The following PTDSS2 variants were observed in gnomAD, a reference collection of about 807,000 sequenced individuals.
The protein encoded by PTDSS2 is phosphatidylserine synthase 2, also known as PSS-2.
PTDSS2 carries 41 observed loss-of-function variants against 64.7 expected under a neutral mutation model. That is an observed-to-expected ratio of 0.63 (90% confidence interval 0.49 to 0.82). The LOEUF (loss-of-function observed/expected upper bound fraction) is 0.82. Ranked by LOEUF, PTDSS2 falls within the 40% of genes least tolerant of loss-of-function variation. The probability of loss-of-function intolerance (pLI) is 0.00; values close to 1 mark genes in which losing one functional copy is unlikely to be tolerated. For missense variants in PTDSS2, 485 were observed against 650.0 expected (o/e 0.75, Z 2.76); for synonymous variants, 297 against 277.8 (o/e 1.07, Z -0.69).
In PTDSS2 at chr11:488,245, T is replaced by C. The variant is rs1051529488; in HGVS notation, c.668T>C (p.Met223Thr). The stretch of plus-strand genomic sequence containing the variant: ...TGGATGTGCATGATCATCAGCGTGA[T>C]GTTCGAGTTCCTGGAGTACAGCCTG... ...DWWMCMIISV[M>T]FEFLEYSLEH... Residue 223 changes from methionine (M) to threonine (T), a missense_variant, in exon 7 of 12, where the codon ATG becomes ACG. Around this residue, in one of 3 missense-constraint regions of PTDSS2, gnomAD observed 251 missense variants for 348.0 expected, o/e 0.72. Coordinates refer to ENST00000308020, the MANE Select transcript of PTDSS2 (RefSeq NM_030783.3). The C allele has an allele frequency of 4.3e-6, 7 of 1,613,588 alleles. No individual in the cohort carries two copies. The South Asian group carries it at 6.6e-5, about 15-fold the overall frequency.
At chr11:488,340 G>C (rs1848498617) in intron 7 of PTDSS2, 28 bp downstream of exon 7, 2 of 1,572,118 alleles carry the variant, frequency 1.3e-6, no homozygotes, top group Non-Finnish European at 1.7e-6. Context: ...CCCCGGGGCA[G>C]TCGGTGCAGG....
At position 452,731 on chromosome 11, in the gene PTDSS2, G is replaced by A. The variant is rs549240092; in HGVS notation, c.182+2094G>A. ...CCCTGTGCAGAGGAAGGAGCTTCAC[G>A]CTTCTGGGTGGCAGGTAACTCAATG... is the stretch of plus-strand genomic sequence containing the variant. On this transcript the variant is annotated intron_variant, in intron 1 of 11. Coordinates refer to ENST00000308020, the MANE Select transcript of PTDSS2 (RefSeq NM_030783.3). Among the ~76,000 whole-genome samples, 21 of 152,202 alleles carry A rather than the reference G, an allele frequency of 1.4e-4. 1 individual carries two copies. Among genetic ancestry groups the A allele is most frequent in the South Asian group, 8.3e-4 (4 of 4,822 alleles).
intron 1 of PTDSS2, chr11:459,951 C>T: frequency 1.9e-6 from 1 of 522,844 alleles, no homozygotes; most frequent in Non-Finnish European, 3.5e-6. Context: ...TTCCCAGGAA[C>T]ACGGGGCTCT....
In PTDSS2 at chr11:469,203, G is replaced by C. The variant is rs562013647; in HGVS notation, c.285-4692G>C. 1.3e-4 allele frequency among the ~76,000 whole-genome samples: 16 copies of C among 118,642 alleles called. 1 individual carries two copies. The highest frequency in any genetic ancestry group is 6.3e-4 in the Admixed American group (8 of 12,612). 77.8% of individuals were successfully genotyped at this position (118,642 alleles called of 152,430 possible). ...TGGGTAATCAGAGGGAGGAGGAGGG[G>C]AGTCTCTGGGTAATCGGAAGGAGGA... On this transcript the variant is annotated intron_variant, in intron 2 of 11. Coordinates refer to ENST00000308020, the MANE Select transcript of PTDSS2 (RefSeq NM_030783.3).
rs543870077 is a variant in PTDSS2, at chr11:460,491, C to T, written c.284+203C>T. 39 of 550,978 alleles carry T rather than the reference C, an allele frequency of 7.1e-5. No individual in the cohort carries two copies. The highest frequency in any genetic ancestry group is 7.0e-4 in the South Asian group (32 of 46,020). 34.1% of individuals were successfully genotyped at this position (550,978 alleles called of 1,614,324 possible). On this transcript the variant is annotated intron_variant, in intron 2 of 11. Transcript: ENST00000308020. The surrounding 1 kb of genome is among the most constrained non-coding windows in gnomAD (Gnocchi z 5.8). ...CTGCGTGGCGTTCCCGGTCAGCCCC[C>T]GTCGCCTGTCACTGGGAGCCAGGAG... is the stretch of plus-strand genomic sequence containing the variant.
chr11:490,191 C>T, intron 11 of PTDSS2, 123 bp downstream of exon 11: 1 of 1,234,170 alleles, frequency 8.1e-7, no homozygotes, highest in Non-Finnish European at 1.1e-6. Flanking sequence ...CTCTGGCCGC[C>T]TCTGCGGGAG....
intron 2 of PTDSS2, among the ~76,000 whole-genome samples, chr11:465,697 G>T (rs1847107993): frequency 6.6e-6 from 1 of 152,080 alleles, no homozygotes; most frequent in Non-Finnish European, 1.5e-5. Flanking sequence ...GGCCAATCTA[G>T]GAGGATTGCT....
intron 4 of PTDSS2, among the ~76,000 whole-genome samples, chr11:484,805 G>A (rs57781202): frequency 0.024 from 3,270 of 133,880 alleles, 125 homozygotes; most frequent in African/African-American, 0.082. Flanking sequence ...TAAACTGCAC[G>A]GGCGCGTGTG....
At chr11:452,510 G>T (rs1336999273) in intron 1 of PTDSS2, among the ~76,000 whole-genome samples, 1 of 152,236 alleles carries the variant, frequency 6.6e-6, no homozygotes, top group African/African-American at 2.4e-5. Flanking sequence ...GACACAGACG[G>T]CTGGGCGCAG....
chr11:467,226 A>G (rs1847184998), intron 2 of PTDSS2, among the ~76,000 whole-genome samples: 1 of 152,154 alleles, frequency 6.6e-6, no homozygotes, highest in Non-Finnish European at 1.5e-5. Flanking sequence ...AGGTCTAAGC[A>G]GATGTTCACC....
In PTDSS2 at chr11:450,353, C is replaced by G; in HGVS notation, c.-103C>G. 3 of 1,065,208 alleles carry G rather than the reference C, an allele frequency of 2.8e-6. No individual in the cohort carries two copies. Among genetic ancestry groups the G allele is most frequent in the Non-Finnish European group, 1.2e-6 (1 of 841,460 alleles). 66.0% of individuals were successfully genotyped at this position (1,065,208 alleles called of 1,614,324 possible). A position where few individuals can be genotyped will look rare whatever the true frequency, so the allele number is the denominator to read the frequency against. On this transcript the variant is annotated 5_prime_UTR_variant, in exon 1 of 12. Transcript: ENST00000308020. ...GACCCCGCGGGCCAGCGCCGCGACCCCTTCCCAGCGCTCCTCGCGCTGTGT... is the reference window on the plus strand; with the variant it reads ...GACCCCGCGGGCCAGCGCCGCGACCGCTTCCCAGCGCTCCTCGCGCTGTGT...
intron 4 of PTDSS2, among the ~76,000 whole-genome samples, chr11:485,169 C>G (rs1357811707): frequency 7.6e-6 from 1 of 131,916 alleles, no homozygotes; most frequent in Non-Finnish European, 1.6e-5. Context: ...GGCGTGTGTG[C>G]TCACTGCGCA....
chr11:482,498 G>A (rs1848118260), intron 4 of PTDSS2, among the ~76,000 whole-genome samples: 1 of 152,054 alleles, frequency 6.6e-6, no homozygotes, highest in Admixed American at 6.5e-5. Flanking sequence ...ACTTTCTGTG[G>A]AGATGAGGTT....
At chr11:469,787 G>A (rs375816491) in intron 2 of PTDSS2, among the ~76,000 whole-genome samples, 4 of 152,042 alleles carry the variant, frequency 2.6e-5, no homozygotes, top group South Asian at 4.2e-4. Flanking sequence ...AGGAGAAATG[G>A]CTGATTCCAG....
intron 3 of PTDSS2, among the ~76,000 whole-genome samples, chr11:478,636 C>T (rs1297248404): frequency 8.6e-5 from 13 of 151,424 alleles, no homozygotes; most frequent in African/African-American, 1.5e-4. Context: ...CCCAGCTACT[C>T]GGGAGGCTGA....
chr11:451,021 G>C (rs1431547497), intron 1 of PTDSS2, among the ~76,000 whole-genome samples: 1 of 152,042 alleles, frequency 6.6e-6, no homozygotes. Flanking sequence ...TCCTGCTGTC[G>C]AAGCTTCACC....
chr11:452,730 C>T (rs1363210652), intron 1 of PTDSS2, among the ~76,000 whole-genome samples: 4 of 152,134 alleles, frequency 2.6e-5, no homozygotes, highest in South Asian at 2.1e-4. Flanking sequence ...AGGAGCTTCA[C>T]GCTTCTGGGT....
chr11:489,581 C>T lies in PTDSS2; in HGVS notation c.970-7C>T, dbSNP rs1848569898. The T allele has an allele frequency of 1.2e-6, 2 of 1,604,664 alleles. No homozygotes were observed. Among genetic ancestry groups the T allele is most frequent in the Non-Finnish European group, 1.7e-6 (2 of 1,175,564 alleles). Reference sequence around the variant, plus strand: ...CCAGAGCTGGTGCTCACCCTCTCCTCCCCTAGTTCCTGTTGGCAGAACTGA... The same window carrying T: ...CCAGAGCTGGTGCTCACCCTCTCCTTCCCTAGTTCCTGTTGGCAGAACTGA... On this transcript the variant is annotated splice_region_variant and splice_polypyrimidine_tract_variant and intron_variant, in intron 9 of 11. Transcript: ENST00000308020.
chr11:459,102 T>A (rs1227972196), intron 1 of PTDSS2: 4 of 112,972 alleles, frequency 3.5e-5, no homozygotes, highest in Non-Finnish European at 7.7e-5. Context: ...GAGGGGACAC[T>A]CCGGTGGATG....
Sources: allele counts gnomAD v4.1 joint callset (sites outside exome capture counted in the v4.1 genomes callset), GRCh38; gene constraint gnomAD v4.1.1; regional missense constraint gnomAD v4.1.1; non-coding constraint Gnocchi (gnomAD v3.1); transcripts MANE v1.5; gene names NCBI Gene and HGNC (gene_info 2026-07-23, HGNC 2026-07-21).